Variants in TAFA4 observed in about 807,000 individuals in gnomAD.
TAFA4 encodes TAFA chemokine like family member 4.
TAFA4 carries 20 observed loss-of-function variants against 21.1 expected under a neutral mutation model. The observed-to-expected ratio is 0.95, with a 90% CI of 0.67 to 1.38. The LOEUF (loss-of-function observed/expected upper bound fraction) is 1.38, where lower values mean the gene tolerates loss of function less well. Among genes scored for constraint, TAFA4 ranks in the 40% most tolerant of loss-of-function variants. The pLI, the probability that TAFA4 is intolerant of heterozygous loss-of-function variation, is 0.00. For missense variants in TAFA4, 211 were observed against 180.9 expected (o/e 1.17, Z -0.95); for synonymous variants, 71 against 67.4 (o/e 1.05, Z -0.26).
chr3:68,801,997 C>T (rs750635982), intron 3 of TAFA4, among the ~76,000 whole-genome samples: 61 of 152,166 alleles, frequency 4.0e-4, no homozygotes, highest in Non-Finnish European at 6.3e-4. Flanking sequence ...GCAAGCCAGC[C>T]ACTCGTATCT....
chr3:68,926,682 G>T (rs1050259079), intron 1 of TAFA4, among the ~76,000 whole-genome samples: 9 of 152,170 alleles, frequency 5.9e-5, no homozygotes, highest in African/African-American at 1.9e-4. Context: ...GGAGGCTGAA[G>T]CGGGCAGATC....
chr3:68,920,540 T>C (rs898845649), intron 1 of TAFA4, among the ~76,000 whole-genome samples: 2 of 152,074 alleles, frequency 1.3e-5, no homozygotes, highest in Non-Finnish European at 2.9e-5. Flanking sequence ...CTAAATATTT[T>C]AAATATGCGC....
intron 3 of TAFA4, among the ~76,000 whole-genome samples, chr3:68,815,530 A>C (rs1204297837): frequency 6.6e-6 from 1 of 152,260 alleles, no homozygotes; most frequent in Non-Finnish European, 1.5e-5. Flanking sequence ...TCTCAAAAGA[A>C]GACATTTATG....
At chr3:68,806,803 G>T (rs2106836540) in intron 3 of TAFA4, among the ~76,000 whole-genome samples, 1 of 152,228 alleles carries the variant, frequency 6.6e-6, no homozygotes, top group East Asian at 1.9e-4. Context: ...CAAGAAGTCT[G>T]CAGTCTGCCA....
chr3:68,875,917 T>TA (rs201172771), intron 3 of TAFA4, among the ~76,000 whole-genome samples: 10,066 of 144,158 alleles, frequency 0.07, 546 homozygotes, highest in African/African-American at 0.15. Flanking sequence ...TCATTTGTTT[T>TA]AAAAAAAAAA....
intron 3 of TAFA4, among the ~76,000 whole-genome samples, chr3:68,778,092 AAGGC>A (rs1467413942): frequency 1.3e-5 from 2 of 152,196 alleles, no homozygotes; most frequent in Non-Finnish European, 2.9e-5. Flanking sequence ...ACTAATTAGA[AAGGC>A]AGAGATTTTG....
intron 1 of TAFA4, among the ~76,000 whole-genome samples, chr3:68,905,650 G>A (rs905746230): frequency 5.9e-5 from 9 of 152,282 alleles, no homozygotes; most frequent in African/African-American, 1.9e-4. Flanking sequence ...ACAGACCAGG[G>A]ACATGTGGAA....
chr3:68,900,576 C>T (rs1175933564), intron 1 of TAFA4, among the ~76,000 whole-genome samples: 1 of 152,058 alleles, frequency 6.6e-6, no homozygotes, highest in African/African-American at 2.4e-5. Flanking sequence ...AAATTTTAGT[C>T]TTTTCTTCTT....
chr3:68,826,859 C>T (rs1206017357), intron 3 of TAFA4, among the ~76,000 whole-genome samples: 1 of 152,028 alleles, frequency 6.6e-6, no homozygotes, highest in Non-Finnish European at 1.5e-5. Context: ...GAAGAAATAA[C>T]AGGTCTTGTA....
At chr3:68,859,669 T>C (rs2089305290) in intron 3 of TAFA4, among the ~76,000 whole-genome samples, 2 of 152,154 alleles carry the variant, frequency 1.3e-5, no homozygotes, top group South Asian at 4.1e-4. Context: ...TTCTCAGCCA[T>C]GCATCAACCT....
intron 4 of TAFA4, among the ~76,000 whole-genome samples, chr3:68,739,564 A>G (rs1702310137): frequency 6.6e-6 from 1 of 152,178 alleles, no homozygotes; most frequent in Non-Finnish European, 1.5e-5. Context: ...TCAAAAAGAC[A>G]CCTGCACTCA....
chr3:68,845,116 A>C (rs11926249), intron 3 of TAFA4, among the ~76,000 whole-genome samples: 48,034 of 151,996 alleles, frequency 0.32, 7,987 homozygotes, highest in Non-Finnish European at 0.37. Context: ...TGGGGTGTTA[A>C]AGTCTCCCGC....
chr3:68,781,025 A>G (rs952924356), intron 3 of TAFA4, among the ~76,000 whole-genome samples: 3 of 152,148 alleles, frequency 2.0e-5, no homozygotes, highest in Non-Finnish European at 2.9e-5. Context: ...AAAGTAAACA[A>G]TACATTCCTA....
intron 3 of TAFA4, among the ~76,000 whole-genome samples, chr3:68,838,033 ACT>A (rs1364599254): frequency 6.6e-6 from 1 of 152,034 alleles, no homozygotes; most frequent in African/African-American, 2.4e-5. Flanking sequence ...CTTAAAATCT[ACT>A]CTCAGCAATT....
intron 5 of TAFA4, among the ~76,000 whole-genome samples, chr3:68,734,209 C>T (rs1050846129): frequency 2.2e-4 from 33 of 152,096 alleles, no homozygotes; most frequent in Non-Finnish European, 2.2e-4. Flanking sequence ...CTGAAATATT[C>T]TGTTTTTGAT....
At chr3:68,874,628 A>G (rs17048089) in intron 3 of TAFA4, among the ~76,000 whole-genome samples, 27,387 of 152,120 alleles carry the variant, frequency 0.18, 3,758 homozygotes, top group East Asian at 0.62. Flanking sequence ...CTTTTCCCAA[A>G]CTACCCGAGG....
At chr3:68,799,254 T>C (rs1435837167) in intron 3 of TAFA4, among the ~76,000 whole-genome samples, 1 of 152,240 alleles carries the variant, frequency 6.6e-6, no homozygotes, top group African/African-American at 2.4e-5. Flanking sequence ...CTTACAGTTC[T>C]GGAGGCTGGG....
At chr3:68,785,174 T>A (rs112442376) in intron 3 of TAFA4, among the ~76,000 whole-genome samples, 3 of 152,110 alleles carry the variant, frequency 2.0e-5, no homozygotes, top group Admixed American at 2.0e-4. Flanking sequence ...AGAGTGCCGA[T>A]TGATGTATTT....
At chr3:68,896,370 A>G (rs539241415) in intron 1 of TAFA4, among the ~76,000 whole-genome samples, 34 of 152,250 alleles carry the variant, frequency 2.2e-4, no homozygotes, top group African/African-American at 7.5e-4. Context: ...CATCCAAGCA[A>G]GAGATGGTGA....
Sources: gnomAD v4.1 joint callset for allele counts (sites outside exome capture counted in the v4.1 genomes callset) on GRCh38, gnomAD v4.1.1 for gene constraint, MANE v1.5 for transcripts, NCBI Gene and HGNC (gene_info 2026-07-23, HGNC 2026-07-21) for gene names.